The following NIT2 variants were observed in gnomAD, a reference collection of about 807,000 sequenced individuals.
NIT2 encodes omega-amidase NIT2.
A neutral mutation model predicts 42.7 loss-of-function variants in NIT2; 46 were observed. The ratio of observed to expected loss-of-function variants is 1.08; its 90% CI spans 0.85 to 1.38. NIT2 has a LOEUF of 1.38. NIT2 is among the 40% of genes most tolerant of loss of function. NIT2 has a pLI of 0.00. For missense variants in NIT2, 309 were observed against 342.5 expected, an observed-to-expected ratio of 0.90 and a Z score of 0.77; for synonymous variants, 123 against 121.9, an observed-to-expected ratio of 1.01 and a Z score of -0.06.
intron 8 of NIT2, among the ~76,000 whole-genome samples, chr3:100,354,435 TTGG>T (rs1271423841): frequency 6.6e-6 from 1 of 152,174 alleles, no homozygotes; most frequent in African/African-American, 2.4e-5. Context: ...GAGCTTCCTG[TTGG>T]TGGTAGGTAG....
intron 4 of NIT2, among the ~76,000 whole-genome samples, chr3:100,341,915 C>T (rs1213616319): frequency 3.3e-5 from 5 of 151,916 alleles, no homozygotes; most frequent in African/African-American, 1.2e-4. Context: ...GTGGTGCACA[C>T]CTATATAGTC....
chr3:100,337,345 C>T (rs1281881879), intron 1 of NIT2, among the ~76,000 whole-genome samples: 1 of 152,174 alleles, frequency 6.6e-6, no homozygotes, highest in Non-Finnish European at 1.5e-5. Flanking sequence ...TGCTTTGGAT[C>T]CTTTACTGCT....
chr3:100,335,503 A>T (rs1576196792), intron 1 of NIT2, among the ~76,000 whole-genome samples: 1 of 152,284 alleles, frequency 6.6e-6, no homozygotes, highest in African/African-American at 2.4e-5. Flanking sequence ...CACTTTACAG[A>T]TGAGATGGAG....
At chr3:100,345,884 T>C in intron 5 of NIT2, 1 of 602,750 alleles carries the variant, frequency 1.7e-6, no homozygotes, top group South Asian at 2.0e-5. Flanking sequence ...GATTTGATTG[T>C]AGCTTCCTGT....
At chr3:100,336,499 G>T (rs1472027429) in intron 1 of NIT2, among the ~76,000 whole-genome samples, 1 of 152,112 alleles carries the variant, frequency 6.6e-6, no homozygotes, top group Admixed American at 6.5e-5. Flanking sequence ...TAGTATTTAT[G>T]ATCATTCTTG....
At chr3:100,346,071 A>T in intron 5 of NIT2, 110 bp from the exon 6 acceptor site, 1 of 812,926 alleles carries the variant, frequency 1.2e-6, no homozygotes, top group Non-Finnish European at 2.1e-6. Context: ...GTCCTGTGTT[A>T]ATTTATCCCT....
At position 100,339,118 on chromosome 3, in the gene NIT2, T is replaced by G. The variant is rs757015884; in HGVS notation, c.39T>G (p.Ile13Met). 3.7e-6 allele frequency: 6 copies of G among 1,614,086 alleles called. No homozygotes were observed. In the East Asian group the frequency reaches 1.3e-4, roughly 36 times the overall value. ...SFRLALIQLQ[I>M]SSIKSDNVTR... ...GCTTGGCCCTCATCCAGCTTCAGAT[T>G]TCTTCCATCAAATCAGATAACGTCA... Residue 13 changes from isoleucine to methionine, a missense_variant, in exon 2 of 10, where the codon ATT becomes ATG. Coordinates refer to ENST00000394140, the MANE Select transcript of NIT2 (RefSeq NM_020202.5).
chr3:100,359,495 C>G lies in NIT2; in HGVS notation c.*4227C>G, dbSNP rs1338874830. 1 of 152,196 alleles carries G rather than the reference C, an allele frequency of 6.6e-6. No homozygotes were observed. The highest frequency in any genetic ancestry group is 1.5e-5 in the Non-Finnish European group (1 of 68,048). The allele number at this position is 152,196 out of a possible 1,614,324, so 9.4% of individuals were successfully genotyped here. ...CTTTTCAGACCCCGGCAGGCAGATT[C>G]TGCCCTCATCTGTCCAGTGACACTC... On this transcript the variant is annotated 3_prime_UTR_variant, in exon 10 of 10. Transcript: ENST00000394140.
At position 100,334,960 on chromosome 3, in the gene NIT2, C is replaced by G. The variant is rs1176408516; in HGVS notation, c.7+162C>G. On this transcript the variant is annotated intron_variant, in intron 1 of 9. Transcript: ENST00000394140. ...TCCGCGTGGGTCCGGGATCGCGTGG[C>G]CGGGCGGCCGGGCGCACTCCCGGGA... 1.7e-5 allele frequency: 11 copies of G among 634,978 alleles called. No homozygotes were observed. In the African/African-American group the frequency reaches 2.2e-4, roughly 13 times the overall value. 39.3% of individuals were successfully genotyped at this position (634,978 alleles called of 1,614,324 possible).
At chr3:100,338,918 A>G (rs1022343044) in intron 1 of NIT2, among the ~76,000 whole-genome samples, 169 bp from the exon 2 acceptor site, 3 of 152,060 alleles carry the variant, frequency 2.0e-5, no homozygotes, top group Non-Finnish European at 4.4e-5. Context: ...CTTGGTCTCT[A>G]TTCATTAGAT....
Position 100,352,608 on chromosome 3 carries a change from C to G in NIT2, c.683+106C>G. ...CCTGAGCAGCCAGGCGCTCACTTCT[C>G]ACTCCCATTTCCCCACATATCCTGC... On this transcript the variant is annotated intron_variant, in intron 8 of 9. Transcript: ENST00000394140. 4.2e-6 allele frequency: 3 copies of G among 719,792 alleles called. No homozygotes were observed. The South Asian group carries it at 5.0e-5, about 12-fold the overall frequency. 44.6% of individuals were successfully genotyped at this position (719,792 alleles called of 1,614,324 possible).
intron 7 of NIT2, chr3:100,349,472 T>C (rs1706253179): frequency 6.6e-6 from 1 of 152,356 alleles, no homozygotes; most frequent in South Asian, 2.1e-4. Context: ...ATTTCATTTT[T>C]CTGTGATTAG....
In NIT2 at chr3:100,342,519, C is replaced by CTT. The variant is rs572093341; in HGVS notation, c.336+1370_336+1371dup. Among the ~76,000 whole-genome samples the CTT allele has an allele frequency of 2.4e-4, 33 of 137,964 alleles. 1 individual carries two copies. In the South Asian group the frequency reaches 7.4e-3, roughly 31 times the overall value. The allele number at this position is 137,964 out of a possible 152,430, so 90.5% of individuals were successfully genotyped here. A position where few individuals can be genotyped will look rare whatever the true frequency, so the allele number is the denominator to read the frequency against. Reference sequence around the variant, plus strand: ...TTGGCTTTTTAGTTATACATCTTAGCTTTTTTTTTTTTTCCAGTTGTTGCC... The same window carrying CTT: ...TTGGCTTTTTAGTTATACATCTTAGCTTTTTTTTTTTTTTTCCAGTTGTTGCC... On this transcript the variant is annotated intron_variant, in intron 4 of 9. Coordinates refer to ENST00000394140, the MANE Select transcript of NIT2 (RefSeq NM_020202.5).
chr3:100,339,973 T>C (rs781557078), intron 3 of NIT2, 38 bp downstream of exon 3: 24 of 1,577,516 alleles, frequency 1.5e-5, no homozygotes, highest in Non-Finnish European at 2.0e-5. Flanking sequence ...ACCTAAACAT[T>C]AGAAACATCT....
chr3:100,352,556 G>T, intron 8 of NIT2, 54 bp downstream of exon 8: 1 of 1,405,234 alleles, frequency 7.1e-7, no homozygotes, highest in Non-Finnish European at 1.0e-6. Flanking sequence ...TTGAGTGGTG[G>T]CTCGTTGGCA....
At position 100,341,147 on chromosome 3, in the gene NIT2, G is replaced by A. The variant is rs1296859255; in HGVS notation, c.322G>A (p.Ala108Thr). The A allele has an allele frequency of 3.1e-6, 5 of 1,611,316 alleles. No individual in the cohort carries two copies. The highest frequency in any genetic ancestry group is 4.2e-6 in the Non-Finnish European group (5 of 1,177,510). Residue 108 changes from alanine (A) to threonine (T), a missense_variant, in exon 4 of 10, where the codon GCA becomes ACA. Coordinates refer to ENST00000394140, the MANE Select transcript of NIT2 (RefSeq NM_020202.5). ...AVFGPDGTLL[A>T]KYRKIHLFDI... ...GTTTGGGCCTGATGGAACTTTACTA[G>A]CAAAGTATAGAAAGGTAAGTAGGAA... is the stretch of plus-strand genomic sequence containing the variant.
At position 100,361,496 on chromosome 3, in the gene NIT2, G is replaced by A. The variant is rs2148886710; in HGVS notation, c.*6228G>A. ...TGTTCAGCTTCCTCCCCTTGGCCAG[G>A]TACCACAGCTACTTCTATCCCAGTG... On this transcript the variant is annotated 3_prime_UTR_variant, in exon 10 of 10. Transcript: ENST00000394140. 6.6e-6 allele frequency: 1 copy of A among 152,440 alleles called. No individual in the cohort carries two copies. Among genetic ancestry groups the A allele is most frequent in the Admixed American group, 6.5e-5 (1 of 15,308 alleles). The allele number at this position is 152,440 out of a possible 1,614,324, so 9.4% of individuals were successfully genotyped here.
At position 100,347,085 on chromosome 3, in the gene NIT2, TTTTG is replaced by T. The variant is rs377243305; in HGVS notation, c.505+850_505+853del. Among the ~76,000 whole-genome samples, 49 of 152,190 alleles carry T rather than the reference TTTTG, an allele frequency of 3.2e-4. No homozygotes were observed. In the East Asian group the frequency reaches 3.9e-3, roughly 12 times the overall value. On this transcript the variant is annotated intron_variant, in intron 6 of 9. Transcript: ENST00000394140. ...ATGGAGCTGAGATAAATTTGTTTTT[TTTTG>T]TTTGTTTGTTTGTTTGTTTTTTTGA... is the stretch of plus-strand genomic sequence containing the variant.
intron 1 of NIT2, among the ~76,000 whole-genome samples, chr3:100,335,518 G>T (rs895224776): frequency 6.6e-6 from 1 of 152,176 alleles, no homozygotes; most frequent in South Asian, 2.1e-4. Context: ...ATGGAGTGAC[G>T]GGCGTCTCCT....
Sources: gnomAD v4.1 joint callset for allele counts (sites outside exome capture counted in the v4.1 genomes callset) on GRCh38, gnomAD v4.1.1 for gene constraint, MANE v1.5 for transcripts, NCBI Gene and HGNC (gene_info 2026-07-23, HGNC 2026-07-21) for gene names.